Variants in IDE observed in about 807,000 individuals in gnomAD.
The protein encoded by IDE is insulin-degrading enzyme.
A neutral mutation model predicts 133.2 loss-of-function variants in IDE; 58 were observed. That is an observed-to-expected ratio of 0.44 (90% CI 0.35 to 0.54). IDE has a LOEUF of 0.54. Ranked by LOEUF, IDE falls within the 20% of genes least tolerant of loss-of-function variation. IDE has a pLI of 0.00. For synonymous variants in IDE, 396 were observed against 421.3 expected, an observed-to-expected ratio of 0.94 and a Z score of 0.73; for missense variants, 981 against 1,234.0, an observed-to-expected ratio of 0.79 and a Z score of 3.07.
At chr10:92,559,130 A>G (rs577283352) in intron 1 of IDE, 2 of 152,312 alleles carry the variant, frequency 1.3e-5, no homozygotes, top group East Asian at 3.9e-4. Flanking sequence ...AAGTGTTGTC[A>G]AGGATATAGA....
chr10:92,486,678 T>C (rs1345397675), intron 13 of IDE, among the ~76,000 whole-genome samples: 2 of 152,176 alleles, frequency 1.3e-5, no homozygotes, highest in African/African-American at 4.8e-5. Flanking sequence ...AAGGACATTC[T>C]GAAAAAGATG....
intron 7 of IDE, 66 bp from the exon 8 acceptor site, chr10:92,508,271 T>C: frequency 2.4e-6 from 3 of 1,258,772 alleles, no homozygotes; most frequent in Admixed American, 4.0e-5. Flanking sequence ...ATAAGAAAAA[T>C]TTTAAAAATT....
intron 4 of IDE, among the ~76,000 whole-genome samples, chr10:92,524,939 A>C (rs116976854): frequency 0.014 from 2,079 of 151,260 alleles, 22 homozygotes; most frequent in Non-Finnish European, 0.021. Flanking sequence ...ACAAAAATAT[A>C]TACAAATATA....
intron 1 of IDE, among the ~76,000 whole-genome samples, chr10:92,549,294 G>A (rs1027488014): frequency 6.6e-6 from 1 of 151,912 alleles, no homozygotes; most frequent in Non-Finnish European, 1.5e-5. Flanking sequence ...TATCAATAGT[G>A]CTAAGGATGA....
chr10:92,569,953 T>C (rs1360075522), intron 1 of IDE, among the ~76,000 whole-genome samples: 1 of 152,014 alleles, frequency 6.6e-6, no homozygotes. Flanking sequence ...CTACTAAAAA[T>C]ACAAAAATTA....
rs374799415 is a variant in IDE at position 92,455,561 on chromosome 10, C to T, written c.2964+15G>A. 55 of 1,473,588 alleles carry T rather than the reference C, an allele frequency of 3.7e-5. No individual in the cohort carries two copies. The highest frequency in any genetic ancestry group is 4.8e-5 in the Non-Finnish European group (51 of 1,054,058). 91.3% of individuals were successfully genotyped at this position (1,473,588 alleles called of 1,614,324 possible). A position where few individuals can be genotyped will look rare whatever the true frequency, so the allele number is the denominator to read the frequency against. On this transcript the variant is annotated intron_variant, in intron 24 of 24. Transcript: ENST00000265986. ...CCTCTGTCAGTACAATCTAACATAACGTTATATTTCTTACTTGTGGCAAGG... is the reference window on the plus strand; with the variant it reads ...CCTCTGTCAGTACAATCTAACATAATGTTATATTTCTTACTTGTGGCAAGG...
At chr10:92,510,619 ATGTG>A (rs567963890) in intron 5 of IDE, among the ~76,000 whole-genome samples, 2 of 151,732 alleles carry the variant, frequency 1.3e-5, no homozygotes, top group African/African-American at 2.4e-5. Context: ...CACATTTTAT[ATGTG>A]TGTGTGTATA....
intron 17 of IDE, 53 bp downstream of exon 17, chr10:92,474,788 T>C (rs941875147): frequency 1.3e-6 from 2 of 1,547,738 alleles, no homozygotes; most frequent in Non-Finnish European, 1.8e-6. Context: ...TAAACCAAAA[T>C]GAATTTAGGA....
At chr10:92,486,286 G>A (rs945955814) in intron 13 of IDE, among the ~76,000 whole-genome samples, 4 of 152,078 alleles carry the variant, frequency 2.6e-5, no homozygotes, top group Admixed American at 6.6e-5. Context: ...GGAGGCGGAA[G>A]TTACAGTGAG....
At chr10:92,493,226 C>G (rs1378008524) in intron 11 of IDE, among the ~76,000 whole-genome samples, 1 of 152,080 alleles carries the variant, frequency 6.6e-6, no homozygotes, top group Non-Finnish European at 1.5e-5. Context: ...GCATTCAATA[C>G]ATGATAGAGC....
intron 13 of IDE, among the ~76,000 whole-genome samples, chr10:92,485,075 G>A (rs1279606997): frequency 1.3e-5 from 2 of 150,646 alleles, no homozygotes; most frequent in African/African-American, 4.9e-5. Flanking sequence ...AAAAAACTGT[G>A]TGAGATAATA....
intron 4 of IDE, among the ~76,000 whole-genome samples, chr10:92,528,245 T>C (rs77161780): frequency 0.021 from 3,178 of 152,290 alleles, 49 homozygotes; most frequent in Admixed American, 0.052. Flanking sequence ...CAGAAATCCT[T>C]TGAAACCTCC....
intron 9 of IDE, 102 bp from the exon 10 acceptor site, chr10:92,506,624 T>C: frequency 1.9e-6 from 1 of 526,192 alleles, no homozygotes; most frequent in Admixed American, 3.2e-5. Context: ...TTCTACTCCA[T>C]ATTTAACTTT....
chr10:92,560,602 G>A (rs1843231789), intron 1 of IDE, among the ~76,000 whole-genome samples: 1 of 151,802 alleles, frequency 6.6e-6, no homozygotes, highest in African/African-American at 2.4e-5. Flanking sequence ...GTTCAACAAG[G>A]GGAAACCTCG....
Position 92,453,086 on chromosome 10 carries a change from T to C in IDE, c.*1358A>G, listed in dbSNP as rs888722447. On this transcript the variant is annotated 3_prime_UTR_variant, in exon 25 of 25. Transcript: ENST00000265986. ...GAAAGTCCTAGCCAATCAAATCATA[T>C]GGGGAGGTAAAATGTCCTTCAAAAA... The C allele has an allele frequency of 7.2e-5, 11 of 152,190 alleles. No homozygotes were observed. Among genetic ancestry groups the C allele is most frequent in the African/African-American group, 2.4e-4 (10 of 41,456 alleles). The allele number at this position is 152,190 out of a possible 1,614,324, so 9.4% of individuals were successfully genotyped here. A position where few individuals can be genotyped will look rare whatever the true frequency, so the allele number is the denominator to read the frequency against.
intron 3 of IDE, among the ~76,000 whole-genome samples, chr10:92,532,392 T>A (rs1849987143): frequency 6.6e-6 from 1 of 152,154 alleles, no homozygotes; most frequent in Admixed American, 6.6e-5. Context: ...AGTGACCTAC[T>A]TTTAACAGGC....
intron 5 of IDE, 86 bp downstream of exon 5, chr10:92,514,834 C>T: frequency 9.0e-7 from 1 of 1,108,232 alleles, no homozygotes; most frequent in Non-Finnish European, 1.3e-6. Flanking sequence ...GCAGCTCTAT[C>T]TTATATCCAT....
chr10:92,476,117 C>A, intron 15 of IDE, 123 bp from the exon 16 acceptor site: 1 of 609,126 alleles, frequency 1.6e-6, no homozygotes, highest in Non-Finnish European at 2.9e-6. Flanking sequence ...GAAACAAATT[C>A]AATTTAATGT....
intron 1 of IDE, among the ~76,000 whole-genome samples, chr10:92,537,835 G>A (rs1842096243): frequency 6.6e-6 from 1 of 152,122 alleles, no homozygotes; most frequent in Non-Finnish European, 1.5e-5. Flanking sequence ...TGGCCTGTAT[G>A]CAGAACTAGA....
Sources: allele counts gnomAD v4.1 joint callset (sites outside exome capture counted in the v4.1 genomes callset), GRCh38; gene constraint gnomAD v4.1.1; transcripts MANE v1.5; gene names NCBI Gene and HGNC (gene_info 2026-07-23, HGNC 2026-07-21).